Variants in COL4A4 observed in about 807,000 individuals in gnomAD.
COL4A4 encodes collagen alpha-4(IV) chain.
COL4A4 carries 105 observed loss-of-function variants against 192.9 expected under a neutral mutation model. The ratio of observed to expected loss-of-function variants is 0.54; its 90% CI spans 0.46 to 0.64. The LOEUF is 0.64. Among genes scored for constraint, COL4A4 ranks in the 30% least tolerant of loss-of-function variants. COL4A4 has a pLI of 0.00. For synonymous variants in COL4A4, 762 were observed against 769.9 expected (o/e 0.99, Z 0.17); for missense variants, 1,967 against 2,169.3 (o/e 0.91, Z 1.85).
intron 10 of COL4A4, 61 bp from the exon 11 acceptor site, chr2:227,108,929 T>C: frequency 6.6e-7 from 1 of 1,521,680 alleles, no homozygotes; most frequent in South Asian, 1.1e-5. Context: ...GAATGTGCCT[T>C]CTTTTGTTAC....
At chr2:227,103,067 G>A (rs537562044) in intron 14 of COL4A4, 77 bp downstream of exon 14, 2 of 1,330,098 alleles carry the variant, frequency 1.5e-6, no homozygotes, top group African/African-American at 3.0e-5. Context: ...CAATGATAAA[G>A]ACCATGAGAA....
chr2:227,156,010 G>A (rs1342045483), intron 1 of COL4A4, among the ~76,000 whole-genome samples: 1 of 151,914 alleles, frequency 6.6e-6, no homozygotes, highest in East Asian at 1.9e-4. Context: ...TGCCTGGCAT[G>A]TAGGAGCAGC....
chr2:227,034,767 C>T (rs1199779672), intron 37 of COL4A4, among the ~76,000 whole-genome samples: 2 of 133,984 alleles, frequency 1.5e-5, no homozygotes, highest in African/African-American at 5.6e-5. Context: ...CTTCCTGTGT[C>T]CATGTGTTCT....
intron 40 of COL4A4, among the ~76,000 whole-genome samples, chr2:227,031,509 G>C (rs1046235313): frequency 2.0e-5 from 3 of 152,184 alleles, no homozygotes; most frequent in Non-Finnish European, 4.4e-5. Context: ...ACTGTCAGCA[G>C]CACATGAAGA....
chr2:227,047,662 A>T, intron 34 of COL4A4, 113 bp from the exon 35 acceptor site: 4 of 712,780 alleles, frequency 5.6e-6, no homozygotes, highest in Non-Finnish European at 9.9e-6. Flanking sequence ...ATTTTAGGAG[A>T]GTGTTTTTAA....
At chr2:227,051,548 G>A (rs1559501647) in intron 32 of COL4A4, among the ~76,000 whole-genome samples, 3 of 152,160 alleles carry the variant, frequency 2.0e-5, no homozygotes, top group South Asian at 2.1e-4. Context: ...AAAAATCCTC[G>A]CTCTGCAATG....
At chr2:227,127,990 G>A (rs982979300) in intron 4 of COL4A4, among the ~76,000 whole-genome samples, 1 of 152,170 alleles carries the variant, frequency 6.6e-6, no homozygotes, top group African/African-American at 2.4e-5. Context: ...ACAGGAAGGG[G>A]AAGGAATGTA....
chr2:227,138,460 C>A (rs1030055409), intron 4 of COL4A4, among the ~76,000 whole-genome samples: 1 of 151,948 alleles, frequency 6.6e-6, no homozygotes, highest in Admixed American at 6.6e-5. Flanking sequence ...AGTGAAATCC[C>A]GTCTCTACTA....
At chr2:226,983,857 A>C in the COL4A4 span, among the ~76,000 whole-genome samples, 2 of 152,370 alleles carry the variant, frequency 1.3e-5, no homozygotes, top group African/African-American at 4.8e-5. Flanking sequence ...TGAGAAAAAA[A>C]TAAAACAGGT....
At chr2:226,984,412 A>G in the COL4A4 span, among the ~76,000 whole-genome samples, 1 of 152,200 alleles carries the variant, frequency 6.6e-6, no homozygotes, top group Non-Finnish European at 1.5e-5. Context: ...CAGAGAGTGC[A>G]AGCTCTGGCC....
At chr2:227,143,067 T>G (rs2063328588) in intron 3 of COL4A4, among the ~76,000 whole-genome samples, 1 of 152,146 alleles carries the variant, frequency 6.6e-6, no homozygotes, top group Non-Finnish European at 1.5e-5. Context: ...CACAGATGTG[T>G]ACAAACACAC....
In COL4A4 at chr2:227,144,695, CA is replaced by C; in HGVS notation, c.72-138del. Reference sequence around the variant, plus strand: ...CTGCTCCTACTAGCCGACTTGTCATCAGTGACAAGATCCATGCTTTCCTCTC... The same window carrying C: ...CTGCTCCTACTAGCCGACTTGTCATCGTGACAAGATCCATGCTTTCCTCTC... On this transcript the variant is annotated intron_variant, in intron 2 of 47. Coordinates refer to ENST00000396625, the MANE Select transcript of COL4A4 (RefSeq NM_000092.5). The C allele has an allele frequency of 4.4e-6, 3 of 683,832 alleles. No homozygotes were observed. The South Asian group carries it at 5.0e-5, about 12-fold the overall frequency. The allele number at this position is 683,832 out of a possible 1,614,324, so 42.4% of individuals were successfully genotyped here.
At position 227,042,142 on chromosome 2, in the gene COL4A4, A is replaced by T. The variant is rs2150094323; in HGVS notation, c.3505+6T>A. 6.4e-7 allele frequency: 1 copy of T among 1,568,206 alleles called. No homozygotes were observed. Among genetic ancestry groups the T allele is most frequent in the Non-Finnish European group, 8.8e-7 (1 of 1,138,272 alleles). On this transcript the variant is annotated splice_donor_region_variant and intron_variant, in intron 37 of 47. Coordinates refer to ENST00000396625, the MANE Select transcript of COL4A4 (RefSeq NM_000092.5). ...TTCTTGTGGGATGGGCTTCATTTTGACTTACCTTTTATTCCCGGAGGACCT... is the reference window on the plus strand; with the variant it reads ...TTCTTGTGGGATGGGCTTCATTTTGTCTTACCTTTTATTCCCGGAGGACCT...
At chr2:226,988,585 A>G in the COL4A4 span, 1 of 1,382,200 alleles carries the variant, frequency 7.2e-7, no homozygotes, top group East Asian at 2.8e-5. Context: ...CAGAAACATC[A>G]GAAGAGGCCG....
chr2:226,976,469 C>T, the COL4A4 span, among the ~76,000 whole-genome samples: 1 of 152,020 alleles, frequency 6.6e-6, no homozygotes, highest in Non-Finnish European at 1.5e-5. Flanking sequence ...TTACCCACGC[C>T]TCCTTACCTG....
chr2:227,045,805 TA>T (rs1259191283), intron 35 of COL4A4, among the ~76,000 whole-genome samples: 3 of 48,908 alleles, frequency 6.1e-5, no homozygotes, highest in South Asian at 9.3e-4. Flanking sequence ...TATACACATA[TA>T]TATATATATA....
At position 227,089,877 on chromosome 2, in the gene COL4A4, C is replaced by G; in HGVS notation, c.1450G>C (p.Gly484Arg). Residue 484 changes from glycine to arginine, a missense_variant, in exon 21 of 48, where the codon GGA becomes CGA. Coordinates refer to ENST00000396625, the MANE Select transcript of COL4A4 (RefSeq NM_000092.5). ...TTTGGTGCCTACTTGCCTTTTTCTCCTTTTGGGCCTCTTCCTCCTGGGGGA... is the reference window on the plus strand; with the variant it reads ...TTTGGTGCCTACTTGCCTTTTTCTCGTTTTGGGCCTCTTCCTCCTGGGGGA... ...VGPPGGRGPK[G>R]EKGNEGLCAC... The G allele has an allele frequency of 6.2e-7, 1 of 1,613,270 alleles. No individual in the cohort carries two copies. Among genetic ancestry groups the G allele is most frequent in the Non-Finnish European group, 8.5e-7 (1 of 1,179,504 alleles).
At chr2:227,000,421 C>A (rs902660914), downstream of COL4A4, among the ~76,000 whole-genome samples, 1 of 152,216 alleles carries the variant, frequency 6.6e-6, no homozygotes, top group Non-Finnish European at 1.5e-5. Flanking sequence ...ACATCTTACT[C>A]CTCATTATAC....
chr2:227,112,357 C>T (rs137897689), intron 8 of COL4A4, among the ~76,000 whole-genome samples: 1,566 of 152,126 alleles, frequency 0.01, 17 homozygotes, highest in Admixed American at 0.02. Context: ...CAACCTCCAC[C>T]TCCTGGATTC....
Sources: allele counts gnomAD v4.1 joint callset (sites outside exome capture counted in the v4.1 genomes callset), GRCh38; gene constraint gnomAD v4.1.1; transcripts MANE v1.5; gene names NCBI Gene and HGNC (gene_info 2026-07-23, HGNC 2026-07-21).